Variants in DSE observed in about 807,000 individuals in gnomAD.
DSE encodes the protein dermatan sulfate epimerase.
DSE carries 36 observed loss-of-function variants against 84.4 expected under a neutral mutation model. The observed-to-expected ratio is 0.43, with a 90% confidence interval of 0.33 to 0.56. DSE has a LOEUF of 0.56. DSE is among the 20% of genes least tolerant of loss of function. DSE has a pLI of 0.06. For synonymous variants in DSE, 410 were observed against 430.1 expected (o/e 0.95, Z 0.58); for missense variants, 862 against 1,169.6 (o/e 0.74, Z 3.84).
intron 2 of DSE, among the ~76,000 whole-genome samples, chr6:116,416,930 TG>T (rs1332119888): frequency 6.6e-6 from 1 of 152,216 alleles, no homozygotes; most frequent in African/African-American, 2.4e-5. Context: ...CTTTTTAAAA[TG>T]GGTAAATATC....
intron 2 of DSE, among the ~76,000 whole-genome samples, chr6:116,405,376 G>A (rs1283009994): frequency 3.3e-5 from 5 of 152,204 alleles, no homozygotes; most frequent in Non-Finnish European, 5.9e-5. Flanking sequence ...AGTGAGGAAG[G>A]CTGGGCGGCT....
intron 1 of DSE, among the ~76,000 whole-genome samples, chr6:116,373,750 T>G (rs1779755538): frequency 6.6e-6 from 1 of 152,228 alleles, no homozygotes; most frequent in Non-Finnish European, 1.5e-5. Flanking sequence ...CTCTTTTTAA[T>G]TTCTGAAAAG....
intron 2 of DSE, among the ~76,000 whole-genome samples, chr6:116,361,877 A>G (rs1319679616): frequency 1.3e-5 from 2 of 152,176 alleles, no homozygotes; most frequent in East Asian, 3.8e-4. Flanking sequence ...ATGAAAAGGG[A>G]CTCACAACAA....
rs1462300162 is a variant in DSE, at chr6:116,390,349, T to C, written c.-53-8849T>C. ...CTCCCAACTGCTGGGATAACAGGCA[T>C]GAGCCACTGTGCCTGGCCCATAATT... On this transcript the variant is annotated intron_variant, in intron 1 of 5. Transcript: ENST00000644252. Among the ~76,000 whole-genome samples the C allele has an allele frequency of 8.5e-5, 13 of 152,206 alleles. 1 individual carries two copies. The highest frequency in any genetic ancestry group is 2.4e-5 in the African/African-American group (1 of 41,454).
At chr6:116,416,577 A>G (rs1442200875) in intron 2 of DSE, among the ~76,000 whole-genome samples, 1 of 152,052 alleles carries the variant, frequency 6.6e-6, no homozygotes, top group East Asian at 1.9e-4. Flanking sequence ...TTTATATTAA[A>G]TTTTTATAAG....
At chr6:116,277,195 T>G (rs1198356504) in intron 2 of DSE, 1 of 152,644 alleles carries the variant, frequency 6.6e-6, no homozygotes, top group Non-Finnish European at 1.5e-5. Context: ...TCCACATAAA[T>G]TAGGTCACAA....
intron 2 of DSE, among the ~76,000 whole-genome samples, chr6:116,320,671 G>A (rs1189887868): frequency 6.6e-6 from 1 of 152,100 alleles, no homozygotes; most frequent in Admixed American, 6.6e-5. Flanking sequence ...CCTCTCCTTT[G>A]CTTGAGGTGG....
chr6:116,376,496 G>T (rs1388414518), intron 1 of DSE, among the ~76,000 whole-genome samples: 1 of 152,238 alleles, frequency 6.6e-6, no homozygotes, highest in Admixed American at 6.5e-5. Context: ...GAGAAGAAAA[G>T]ATTATTGAGG....
Position 116,436,682 on chromosome 6 carries a change from T to C in DSE, c.2214T>C (p.Tyr738=). 6.2e-7 allele frequency: 1 copy of C among 1,614,194 alleles called. No individual in the cohort carries two copies. The highest frequency in any genetic ancestry group is 8.5e-7 in the Non-Finnish European group (1 of 1,180,018). The change falls in exon 6 of 6, where the codon TAT becomes TAC. Residue 738 remains tyrosine, a synonymous_variant. Coordinates refer to ENST00000644252, the MANE Select transcript of DSE (RefSeq NM_013352.4). ...KSSIVPEVKD[Y]AAIVEQNLQH... is the part of the protein sequence containing the mutation. ...GCATTGTCCCTGAGGTGAAGGACTA[T>C]GCTGCTATTGTGGAACAGAACTTGC...
rs1774863562 is a variant in DSE, at chr6:116,299,497, ATTATTT to A, written c.-54+40535_-54+40540del. Among the ~76,000 whole-genome samples the A allele has an allele frequency of 4.3e-5, 4 of 92,838 alleles. No individual in the cohort carries two copies. In the South Asian group the frequency reaches 8.7e-4, roughly 20 times the overall value. The allele number at this position is 92,838 out of a possible 152,430, so 60.9% of individuals were successfully genotyped here. A position where few individuals can be genotyped will look rare whatever the true frequency, so the allele number is the denominator to read the frequency against. ...ATTCTCATCCTGAAAGGCTTCTTGAATTATTTTTATATATATATATATATATATATA... is the reference window on the plus strand; with the variant it reads ...ATTCTCATCCTGAAAGGCTTCTTGAATTATATATATATATATATATATATA... On this transcript the variant is annotated intron_variant, in intron 2 of 3. Transcript: ENST00000430252.
chr6:116,258,473 T>C (rs1772242137), exon 2 of DSE: 3 of 980,822 alleles, frequency 3.1e-6, no homozygotes, highest in African/African-American at 3.2e-5. Flanking sequence ...GACAGGTTTA[T>C]TGGGCAACAG....
At chr6:116,393,629 C>T (rs535853679) in intron 1 of DSE, among the ~76,000 whole-genome samples, 3 of 152,224 alleles carry the variant, frequency 2.0e-5, no homozygotes, top group African/African-American at 7.2e-5. Context: ...TGAGAGTGGA[C>T]GTCAGTTGAT....
chr6:116,258,331 T>C (rs1467728192), intron 1 of DSE: 1 of 528,408 alleles, frequency 1.9e-6, no homozygotes, highest in Non-Finnish European at 3.4e-6. Context: ...TTTCTTTTTA[T>C]AACGTGCTTT....
intron 2 of DSE, among the ~76,000 whole-genome samples, chr6:116,327,634 A>G (rs1776699725): frequency 6.6e-6 from 1 of 152,150 alleles, no homozygotes; most frequent in Non-Finnish European, 1.5e-5. Flanking sequence ...ACTTTAAAGT[A>G]TTATCCATAA....
chr6:116,338,639 G>T (rs1317039293), intron 2 of DSE, among the ~76,000 whole-genome samples: 2 of 152,146 alleles, frequency 1.3e-5, no homozygotes, highest in African/African-American at 4.8e-5. Flanking sequence ...AGAGAGAGTG[G>T]CAGGCTCAGC....
intron 1 of DSE, among the ~76,000 whole-genome samples, chr6:116,398,798 G>A (rs1781408734): frequency 6.6e-6 from 1 of 152,186 alleles, no homozygotes; most frequent in South Asian, 2.1e-4. Context: ...TTTTTGTAAT[G>A]TCTACTCAGA....
Position 116,279,453 on chromosome 6 carries a change from C to A in DSE, c.-54+20486C>A, listed in dbSNP as rs61746508. ...AGATTTCTAGGGCCTTCTCTCCACCCTGAACGCCCTTTTTCAGGCTGCGGT... is the reference window on the plus strand; with the variant it reads ...AGATTTCTAGGGCCTTCTCTCCACCATGAACGCCCTTTTTCAGGCTGCGGT... On this transcript the variant is annotated intron_variant, in intron 2 of 3. Transcript: ENST00000430252. The A allele has an allele frequency of 0.014, 22,768 of 1,613,318 alleles. 198 individuals carry two copies. Among genetic ancestry groups the A allele is most frequent in the Non-Finnish European group, 0.015 (18,218 of 1,180,036 alleles).
At chr6:116,282,740 A>G (rs1259821290) in intron 2 of DSE, among the ~76,000 whole-genome samples, 1 of 152,238 alleles carries the variant, frequency 6.6e-6, no homozygotes, top group South Asian at 2.1e-4. Context: ...TGGAAAGCTC[A>G]GGTTATGATT....
chr6:116,362,625 C>T (rs2157321), intron 2 of DSE, among the ~76,000 whole-genome samples: 114,577 of 152,102 alleles, frequency 0.75, 44,398 homozygotes, highest in East Asian at 1. Flanking sequence ...CCTCCAGCAC[C>T]GTGAGAAATA....
Sources: allele counts gnomAD v4.1 joint callset (sites outside exome capture counted in the v4.1 genomes callset), GRCh38; gene constraint gnomAD v4.1.1; transcripts MANE v1.5; gene names NCBI Gene and HGNC (gene_info 2026-07-23, HGNC 2026-07-21).